Variants in PDE11A observed in about 807,000 individuals in gnomAD.
PDE11A encodes the protein dual 3',5'-cyclic-AMP and -GMP phosphodiesterase 11A.
Under a neutral mutation model 100.5 loss-of-function variants are expected in PDE11A, and 100 were observed. That is an observed-to-expected ratio of 1.00 (90% CI 0.85 to 1.18). The LOEUF (loss-of-function observed/expected upper bound fraction) is 1.18, where lower values mean the gene tolerates loss of function less well. Ranked by LOEUF, PDE11A falls within the 50% of genes most tolerant of loss-of-function variation. The pLI is 0.00. For synonymous variants in PDE11A, 381 were observed against 420.8 expected (o/e 0.91, Z 1.16); for missense variants, 1,141 against 1,152.6 (o/e 0.99, Z 0.15).
At chr2:177,935,398 G>C (rs570103857) in intron 2 of PDE11A, among the ~76,000 whole-genome samples, 3 of 152,198 alleles carry the variant, frequency 2.0e-5, no homozygotes, top group Non-Finnish European at 4.4e-5. Flanking sequence ...TTTAGCTGCA[G>C]TGAATGTCAT....
intron 9 of PDE11A, among the ~76,000 whole-genome samples, chr2:177,809,896 C>T (rs1000001250): frequency 6.6e-6 from 1 of 152,174 alleles, no homozygotes; most frequent in African/African-American, 2.4e-5. Flanking sequence ...GAGTCTAGCC[C>T]TTTCATCCAG....
chr2:177,851,262 C>A (rs1361970742), intron 5 of PDE11A, among the ~76,000 whole-genome samples: 1 of 152,036 alleles, frequency 6.6e-6, no homozygotes, highest in East Asian at 1.9e-4. Flanking sequence ...TGGAAACCAT[C>A]ATTCTCAGCA....
intron 2 of PDE11A, chr2:177,997,367 G>A: frequency 1.2e-6 from 1 of 841,300 alleles, no homozygotes; most frequent in South Asian, 1.3e-5. Context: ...AGATTTCTGG[G>A]GTGGTGAACC....
chr2:177,690,331 C>T (rs918906337), intron 15 of PDE11A, among the ~76,000 whole-genome samples: 6 of 152,144 alleles, frequency 3.9e-5, no homozygotes, highest in African/African-American at 1.4e-4. Context: ...GTCATTAACA[C>T]CTTATTACTA....
intron 2 of PDE11A, chr2:177,997,658 C>T: frequency 6.5e-7 from 1 of 1,532,956 alleles, no homozygotes; most frequent in African/African-American, 1.4e-5. Flanking sequence ...ATTTTGAAAT[C>T]TTTGAGTTTT....
chr2:177,664,887 T>C (rs2105480096), intron 18 of PDE11A, among the ~76,000 whole-genome samples: 1 of 152,240 alleles, frequency 6.6e-6, no homozygotes, highest in African/African-American at 2.4e-5. Flanking sequence ...TTATAGGCCA[T>C]GAGGGTGGAG....
chr2:177,927,920 C>T (rs1050880785), intron 2 of PDE11A, among the ~76,000 whole-genome samples: 6 of 151,932 alleles, frequency 3.9e-5, no homozygotes, highest in African/African-American at 1.5e-4. Context: ...GCCTGACCAA[C>T]ATGGAGAAAC....
intron 9 of PDE11A, among the ~76,000 whole-genome samples, chr2:177,814,735 G>A (rs2083009389): frequency 6.6e-6 from 1 of 152,190 alleles, no homozygotes; most frequent in Non-Finnish European, 1.5e-5. Flanking sequence ...TAAACAAGAG[G>A]TGTTCACTAT....
intron 1 of PDE11A, among the ~76,000 whole-genome samples, chr2:178,056,459 C>T (rs576303114): frequency 6.6e-6 from 1 of 152,098 alleles, no homozygotes; most frequent in Admixed American, 6.5e-5. Flanking sequence ...CTAATAAAAG[C>T]CTGGATATTG....
At chr2:177,841,912 T>G (rs1035352563) in intron 5 of PDE11A, among the ~76,000 whole-genome samples, 1 of 152,244 alleles carries the variant, frequency 6.6e-6, no homozygotes, top group Non-Finnish European at 1.5e-5. Flanking sequence ...AAAAAAGTTT[T>G]TATTTTCTTT....
At position 178,072,551 on chromosome 2, in the gene PDE11A, C is replaced by G. The variant is rs1455293862; in HGVS notation, c.-114G>C. Reference sequence around the variant, plus strand: ...CCCACCAGTATTCCCAGTTCAGCGCCACCTCCCCTGGAGATTATTCCCAGC... The same window carrying G: ...CCCACCAGTATTCCCAGTTCAGCGCGACCTCCCCTGGAGATTATTCCCAGC... On this transcript the variant is annotated 5_prime_UTR_variant, in exon 1 of 20. Coordinates refer to ENST00000286063, the MANE Select transcript of PDE11A (RefSeq NM_016953.4). 6.5e-7 allele frequency: 1 copy of G among 1,547,260 alleles called. No individual in the cohort carries two copies. The highest frequency in any genetic ancestry group is 1.4e-5 in the African/African-American group (1 of 73,352).
chr2:177,692,487 G>C (rs2081054290), intron 15 of PDE11A, among the ~76,000 whole-genome samples: 2 of 152,262 alleles, frequency 1.3e-5, no homozygotes, highest in African/African-American at 4.8e-5. Context: ...TGGGTGATAT[G>C]CCTATACCCC....
At chr2:177,671,128 T>G (rs950729124) in intron 17 of PDE11A, among the ~76,000 whole-genome samples, 1 of 152,204 alleles carries the variant, frequency 6.6e-6, no homozygotes, top group Admixed American at 6.5e-5. Context: ...CTAGGTCTTT[T>G]GCATTAAAGA....
chr2:178,025,764 G>T (rs1208107391), intron 1 of PDE11A, among the ~76,000 whole-genome samples: 2 of 152,142 alleles, frequency 1.3e-5, no homozygotes, highest in Non-Finnish European at 2.9e-5. Context: ...TGCATATAAG[G>T]AAAATGTCTA....
intron 2 of PDE11A, among the ~76,000 whole-genome samples, chr2:178,100,273 A>G (rs954721406): frequency 6.6e-6 from 1 of 152,244 alleles, no homozygotes; most frequent in Non-Finnish European, 1.5e-5. Context: ...TTAAAACCAC[A>G]TAAGATTATT....
chr2:178,076,794 G>A (rs1056582534), upstream of PDE11A, among the ~76,000 whole-genome samples: 3 of 152,150 alleles, frequency 2.0e-5, no homozygotes, highest in African/African-American at 7.2e-5. Flanking sequence ...ACTTGGTATT[G>A]GCTGAAGTCA....
chr2:178,032,900 T>G (rs905388939), intron 1 of PDE11A, among the ~76,000 whole-genome samples: 3 of 152,130 alleles, frequency 2.0e-5, no homozygotes, highest in East Asian at 3.9e-4. Flanking sequence ...ATCATCAGCC[T>G]CAAAGATCAA....
intron 2 of PDE11A, among the ~76,000 whole-genome samples, chr2:178,095,093 A>C (rs1021286438): frequency 6.6e-6 from 1 of 152,164 alleles, no homozygotes; most frequent in Non-Finnish European, 1.5e-5. Flanking sequence ...TTGCAAAACC[A>C]ACCATGCCTT....
intron 1 of PDE11A, chr2:178,018,261 C>CTACT (rs1423431515): frequency 2.4e-6 from 1 of 418,024 alleles, no homozygotes; most frequent in Non-Finnish European, 4.7e-6. Context: ...CTGCGATGGA[C>CTACT]TACTCCCTGG....
Sources: allele counts gnomAD v4.1 joint callset (sites outside exome capture counted in the v4.1 genomes callset), GRCh38; gene constraint gnomAD v4.1.1; transcripts MANE v1.5; gene names NCBI Gene and HGNC (gene_info 2026-07-23, HGNC 2026-07-21).